The following FAM174A variants were observed in gnomAD, a reference collection of about 807,000 sequenced individuals.
FAM174A encodes membrane protein FAM174A.
FAM174A carries 14 observed loss-of-function variants against 14.3 expected under a neutral mutation model. That is an observed-to-expected ratio of 0.98 (90% CI 0.65 to 1.53). The LOEUF (loss-of-function observed/expected upper bound fraction) is 1.53, where lower values mean the gene tolerates loss of function less well. Ranked by LOEUF, FAM174A falls within the 40% of genes most tolerant of loss-of-function variation. The pLI, the probability that FAM174A is intolerant of heterozygous loss-of-function variation, is 0.00. For synonymous variants in FAM174A, 108 were observed against 111.4 expected (o/e 0.97, Z 0.19); for missense variants, 241 against 249.6 (o/e 0.97, Z 0.23).
At chr5:100,566,872 A>T (rs1391774457) in intron 2 of FAM174A, among the ~76,000 whole-genome samples, 1 of 151,918 alleles carries the variant, frequency 6.6e-6, no homozygotes, top group Non-Finnish European at 1.5e-5. Flanking sequence ...AACTTTGATT[A>T]CAAAGTTACG....
chr5:100,543,513 C>T (rs912050875), intron 1 of FAM174A, among the ~76,000 whole-genome samples: 1 of 152,176 alleles, frequency 6.6e-6, no homozygotes, highest in African/African-American at 2.4e-5. Flanking sequence ...GCAGAAAGTT[C>T]TATTGGGTAG....
chr5:100,563,595 A>T (rs1367425550), intron 2 of FAM174A, among the ~76,000 whole-genome samples: 2 of 151,814 alleles, frequency 1.3e-5, no homozygotes, highest in Non-Finnish European at 2.9e-5. Context: ...CTAGACAGAA[A>T]ATCAATAAAG....
chr5:100,552,888 T>C (rs1243594280), intron 1 of FAM174A, among the ~76,000 whole-genome samples: 4 of 152,134 alleles, frequency 2.6e-5, no homozygotes, highest in African/African-American at 9.6e-5. Context: ...TATAATTCTA[T>C]ATGAATAACC....
rs1315585762 is a variant in FAM174A, at chr5:100,561,833, G to T, written c.435-221G>T. Among the ~76,000 whole-genome samples the T allele has an allele frequency of 2.0e-5, 3 of 151,738 alleles. 1 individual carries two copies. Among genetic ancestry groups the T allele is most frequent in the Non-Finnish European group, 4.4e-5 (3 of 67,888 alleles). On this transcript the variant is annotated intron_variant, in intron 1 of 2. Transcript: ENST00000312637. ...CATCAGTTGACACAGAGAGAAGAGA[G>T]TATGTCAGACAGAAGAAACAGGCGA...
At chr5:100,545,958 G>C (rs988717384) in intron 1 of FAM174A, among the ~76,000 whole-genome samples, 1 of 152,076 alleles carries the variant, frequency 6.6e-6, no homozygotes, top group Non-Finnish European at 1.5e-5. Flanking sequence ...AAAATTATTT[G>C]ATAAGTGTTA....
intron 2 of FAM174A, among the ~76,000 whole-genome samples, chr5:100,579,827 T>G (rs1269422539): frequency 2.0e-5 from 3 of 152,218 alleles, no homozygotes; most frequent in African/African-American, 7.2e-5. Flanking sequence ...TTTGCAGTTG[T>G]ATTGCTTGGT....
At chr5:100,578,972 G>T (rs943094172) in intron 2 of FAM174A, among the ~76,000 whole-genome samples, 1 of 152,120 alleles carries the variant, frequency 6.6e-6, no homozygotes, top group Non-Finnish European at 1.5e-5. Context: ...ATGAAGCTTA[G>T]CAGCATGCGT....
chr5:100,544,446 A>C (rs563627208), intron 1 of FAM174A, among the ~76,000 whole-genome samples: 2 of 152,214 alleles, frequency 1.3e-5, no homozygotes, highest in South Asian at 4.1e-4. Flanking sequence ...CGAGAGACAG[A>C]GAGAGAAGGA....
chr5:100,554,619 A>G (rs1039836319), intron 1 of FAM174A, among the ~76,000 whole-genome samples: 2 of 149,986 alleles, frequency 1.3e-5, no homozygotes, highest in Admixed American at 1.3e-4. Context: ...CTATTTTTCT[A>G]TTTCTACTTT....
chr5:100,537,356 G>A (rs752546179), intron 1 of FAM174A, among the ~76,000 whole-genome samples: 6 of 151,722 alleles, frequency 4.0e-5, no homozygotes, highest in East Asian at 1.9e-4. Context: ...TTCTTTTTAC[G>A]TTTTTTTCTT....
intron 1 of FAM174A, among the ~76,000 whole-genome samples, chr5:100,550,677 T>A (rs1490866818): frequency 2.0e-5 from 3 of 152,146 alleles, no homozygotes; most frequent in Non-Finnish European, 4.4e-5. Flanking sequence ...TTAAAGGACA[T>A]GTATATAGTT....
chr5:100,546,478 C>T (rs1046427558), intron 1 of FAM174A, among the ~76,000 whole-genome samples: 2 of 152,058 alleles, frequency 1.3e-5, no homozygotes, highest in African/African-American at 4.8e-5. Context: ...TGGAAGAGTG[C>T]CCAAGCTCCT....
intron 1 of FAM174A, among the ~76,000 whole-genome samples, chr5:100,542,846 A>ATATATG (rs1554046411): frequency 2.0e-5 from 3 of 150,316 alleles, no homozygotes; most frequent in African/African-American, 7.3e-5. Context: ...ATATATATAT[A>ATATATG]TGTGTGTGTG....
intron 1 of FAM174A, among the ~76,000 whole-genome samples, chr5:100,555,436 A>C (rs1746355418): frequency 6.6e-6 from 1 of 152,162 alleles, no homozygotes; most frequent in South Asian, 2.1e-4. Flanking sequence ...TCCTTTGGGT[A>C]TATACCCAGT....
intron 1 of FAM174A, among the ~76,000 whole-genome samples, chr5:100,561,694 G>A (rs1364488721): frequency 1.3e-5 from 2 of 151,852 alleles, no homozygotes; most frequent in South Asian, 2.1e-4. Context: ...GGAGGACATG[G>A]GGAAAAGGCT....
chr5:100,554,310 C>CT (rs34241194), intron 1 of FAM174A, among the ~76,000 whole-genome samples: 1,455 of 93,852 alleles, frequency 0.016, 33 homozygotes, highest in African/African-American at 0.035. Context: ...ATTTTTCTAT[C>CT]TTTTTTTTTT....
At chr5:100,560,919 C>T (rs548150769) in intron 1 of FAM174A, among the ~76,000 whole-genome samples, 13 of 152,050 alleles carry the variant, frequency 8.5e-5, no homozygotes, top group African/African-American at 2.4e-4. Context: ...TGCAGGGTCA[C>T]AGTTTTGGTC....
intron 1 of FAM174A, among the ~76,000 whole-genome samples, chr5:100,554,197 TTCAC>T (rs1355722408): frequency 6.6e-6 from 1 of 152,130 alleles, no homozygotes; most frequent in Non-Finnish European, 1.5e-5. Context: ...TCCAACTAGT[TTCAC>T]TCACTCTTAT....
At chr5:100,536,206 A>G (rs1259024179) in intron 1 of FAM174A, among the ~76,000 whole-genome samples, 1 of 152,140 alleles carries the variant, frequency 6.6e-6, no homozygotes, top group East Asian at 1.9e-4. Flanking sequence ...CTGACCTACA[A>G]CCCACGTCAG....
Sources: gnomAD v4.1 joint callset for allele counts (sites outside exome capture counted in the v4.1 genomes callset) on GRCh38, gnomAD v4.1.1 for gene constraint, MANE v1.5 for transcripts, NCBI Gene and HGNC (gene_info 2026-07-23, HGNC 2026-07-21) for gene names.